ZNF574: variants seen among roughly 807,000 people sequenced by gnomAD.
ZNF574 encodes the protein zinc finger protein 574.
A neutral mutation model predicts 56.6 loss-of-function variants in ZNF574; 25 were observed. That is an observed-to-expected ratio of 0.44 (90% CI 0.32 to 0.62). ZNF574 has a LOEUF of 0.62. Ranked by LOEUF, ZNF574 falls within the 20% of genes least tolerant of loss-of-function variation. ZNF574 has a pLI of 0.04. For synonymous variants in ZNF574, 543 were observed against 492.1 expected, an observed-to-expected ratio of 1.10 and a Z score of -1.37; for missense variants, 1,065 against 1,218.9, an observed-to-expected ratio of 0.87 and a Z score of 1.88.
At chr19:42,073,244 T>C (rs958437433), upstream of ZNF574, among the ~76,000 whole-genome samples, 2 of 152,220 alleles carry the variant, frequency 1.3e-5, no homozygotes, top group Admixed American at 6.5e-5. Flanking sequence ...CGATGTTTTG[T>C]AGAGTCAGCA....
At chr19:42,069,374 G>A (rs1232932968) in intron 1 of ZNF574, 1 of 153,308 alleles carries the variant, frequency 6.5e-6, no homozygotes, top group African/African-American at 2.4e-5. Flanking sequence ...CCCGCCGCCG[G>A]TGGTGGCTCC....
At position 42,081,244 on chromosome 19, in the gene ZNF574, G is replaced by A. The variant is rs750121634; in HGVS notation, c.2638G>A (p.Ala880Thr). ...TGTGGAGGCGCTACCCCTGGTGGAA[G>A]CCATTGAGATCTACCCTCTGGCCGA... ...TAVEALPLVEAIEIYPLAEAE... is the reference protein window; with the variant it reads ...TAVEALPLVETIEIYPLAEAE... Residue 880 changes from alanine (A) to threonine (T), a missense_variant, in exon 2 of 2, where the codon GCC becomes ACC. Transcript: ENST00000359044. The A allele has an allele frequency of 2.2e-5, 35 of 1,613,284 alleles. No homozygotes were observed. Among genetic ancestry groups the A allele is most frequent in the Admixed American group, 1.8e-4 (11 of 59,908 alleles).
chr19:42,073,814 CAA>C (rs577928373), upstream of ZNF574, among the ~76,000 whole-genome samples: 80 of 32,050 alleles, frequency 2.5e-3, no homozygotes, highest in African/African-American at 9.3e-3. Flanking sequence ...TAGACTGTCT[CAA>C]AAAAAAAAAA....
chr19:42,069,266 G>C (rs962522172), intron 1 of ZNF574: 8 of 227,272 alleles, frequency 3.5e-5, no homozygotes, highest in Non-Finnish European at 6.8e-5. Context: ...GGAGGGCTGG[G>C]CTCCCTCGAG....
At position 42,080,983 on chromosome 19, in the gene ZNF574, C is replaced by A; in HGVS notation, c.2377C>A (p.Pro793Thr). ...CCGGCGCCTGCACACAGGTGAGCGG[C>A]CCTTTGCCTGTGAAGTGTGTGGCAA... The part of the protein sequence containing the change: ...DHRRLHTGER[P>T]FACEVCGKAF... Residue 793 changes from proline to threonine, a missense_variant, in exon 2 of 2, where the codon CCC (proline) becomes ACC (threonine). Coordinates refer to ENST00000359044, the MANE Select transcript of ZNF574 (RefSeq NM_022752.6). The surrounding 1 kb of genome is among the most constrained non-coding windows in gnomAD (Gnocchi z 8.5). The A allele has an allele frequency of 6.2e-7, 1 of 1,614,228 alleles. No homozygotes were observed.
Position 42,079,685 on chromosome 19 carries a change from G to A in ZNF574, c.1079G>A (p.Ser360Asn). 6.2e-7 allele frequency: 1 copy of A among 1,614,164 alleles called. No homozygotes were observed. The highest frequency in any genetic ancestry group is 2.2e-5 in the East Asian group (1 of 44,882). ...SLDQHLGDHS[S>N]ESHFLCVDCG... Reference sequence around the variant, plus strand: ...GACCAGCACCTTGGAGACCATAGCAGCGAGTCACACTTCCTGTGTGTAGAC... The same window carrying A: ...GACCAGCACCTTGGAGACCATAGCAACGAGTCACACTTCCTGTGTGTAGAC... The change falls in exon 2 of 2, where the codon AGC becomes AAC. Residue 360 changes from serine (S) to asparagine (N), a missense_variant. Coordinates refer to ENST00000359044, the MANE Select transcript of ZNF574 (RefSeq NM_022752.6). The surrounding 1 kb of genome is among the most constrained non-coding windows in gnomAD (Gnocchi z 4.3).
chr19:42,074,042 A>G (rs1327021795), upstream of ZNF574, among the ~76,000 whole-genome samples: 1 of 151,732 alleles, frequency 6.6e-6, no homozygotes, highest in Non-Finnish European at 1.5e-5. Context: ...CTTAGGCAGG[A>G]GAATCACTTG....
rs1284007695 is a variant in ZNF574, at chr19:42,079,176, G to A, written c.570G>A (p.Gly190=). Residue 190 remains glycine (G), a synonymous_variant, in exon 2 of 2, where the codon GGG becomes GGA. Transcript: ENST00000359044. The surrounding 1 kb of genome is among the most constrained non-coding windows in gnomAD (Gnocchi z 4.3). Reference sequence around the variant, plus strand: ...CATACCGAAAGGCAGAAGAGGGTGGGGAAGGGGCGACTGTCCCATCTGCCG... The same window carrying A: ...CATACCGAAAGGCAGAAGAGGGTGGAGAAGGGGCGACTGTCCCATCTGCCG... ...EHSYRKAEEG[G]EGATVPSAAA... 3 of 1,613,808 alleles carry A rather than the reference G, an allele frequency of 1.9e-6. No homozygotes were observed. Among genetic ancestry groups the A allele is most frequent in the Non-Finnish European group, 2.5e-6 (3 of 1,180,034 alleles).
chr19:42,080,563 G>A lies in ZNF574; in HGVS notation c.1957G>A (p.Glu653Lys). 1 of 1,612,798 alleles carries A rather than the reference G, an allele frequency of 6.2e-7. No individual in the cohort carries two copies. Among genetic ancestry groups the A allele is most frequent in the Non-Finnish European group, 8.5e-7 (1 of 1,179,754 alleles). Reference protein sequence around the residue: ...AAFPSSLRLREHRCAAAAAQA... With the variant: ...AAFPSSLRLRKHRCAAAAAQA... ...CTTCCCCTCCTCACTGCGGCTCCGG[G>A]AGCACCGCTGTGCAGCCGCTGCTGC... The change falls in exon 2 of 2, where the codon GAG becomes AAG. Residue 653 changes from glutamate (E) to lysine (K), a missense_variant. Physicochemically the swap from Glu to Lys is moderately conservative, Grantham distance 56 (BLOSUM62 1). Transcript: ENST00000359044. This position sits in a 1 kb window ranked among gnomAD's most constrained non-coding sequence, Gnocchi z 8.5.
chr19:42,080,916 CTG>C lies in ZNF574; in HGVS notation c.2313_2314del (p.Cys771TrpfsTer20), dbSNP rs776242452. On this transcript the variant is annotated frameshift_variant, in exon 2 of 2. Coordinates refer to ENST00000359044, the MANE Select transcript of ZNF574 (RefSeq NM_022752.6). LOFTEE classifies it high-confidence loss of function. The surrounding 1 kb of genome is among the most constrained non-coding windows in gnomAD (Gnocchi z 8.5). Reference sequence around the variant, plus strand: ...GTGAGCGGCCATACCCATGTCCAGACTGTGGCAAAGCGTTCCGTCAGAGTACC... The same window carrying C: ...GTGAGCGGCCATACCCATGTCCAGACTGGCAAAGCGTTCCGTCAGAGTACC... ...TGERPYPCPDCGKAFRQSTHL... is the reference protein window; with the variant it reads ...TGERPYPCPDXGKAFRQSTHL... The C allele has an allele frequency of 1.9e-6, 3 of 1,613,912 alleles. No individual in the cohort carries two copies. Among genetic ancestry groups the C allele is most frequent in the Admixed American group, 1.7e-5 (1 of 59,996 alleles).
chr19:42,079,754 G>A lies in ZNF574; in HGVS notation c.1148G>A (p.Arg383Gln), dbSNP rs764696690. Residue 383 changes from arginine (R) to glutamine (Q), a missense_variant, in exon 2 of 2, where the codon CGG becomes CAG. Arg to Gln is a conservative substitution (Grantham distance 43). Coordinates refer to ENST00000359044, the MANE Select transcript of ZNF574 (RefSeq NM_022752.6). The surrounding 1 kb of genome is among the most constrained non-coding windows in gnomAD (Gnocchi z 4.3). ...ACAGAGGCCCTCCTCCTGGCCCACC[G>A]GCGAGCCCACACCCCGAATCCTCTG... is the stretch of plus-strand genomic sequence containing the variant. ...FGTEALLLAH[R>Q]RAHTPNPLHS... is the part of the protein sequence containing the mutation. The A allele has an allele frequency of 4.3e-6, 7 of 1,614,118 alleles. No homozygotes were observed. The highest frequency in any genetic ancestry group is 1.7e-5 in the Admixed American group (1 of 60,020).
chr19:42,074,139 C>T (rs1176305249), upstream of ZNF574, among the ~76,000 whole-genome samples: 2 of 109,942 alleles, frequency 1.8e-5, no homozygotes, highest in East Asian at 2.5e-4. Context: ...GACTCCATCT[C>T]AAAAAAAAAA....
At chr19:42,072,926 G>A (rs540499821), upstream of ZNF574, among the ~76,000 whole-genome samples, 1 of 152,328 alleles carries the variant, frequency 6.6e-6, no homozygotes, top group South Asian at 2.1e-4. Flanking sequence ...ATCTGCCCAA[G>A]GTCACACAGC....
In ZNF574 at chr19:42,078,850, G is replaced by C; in HGVS notation, c.244G>C (p.Gly82Arg). 1 of 1,614,046 alleles carries C rather than the reference G, an allele frequency of 6.2e-7. No individual in the cohort carries two copies. Among genetic ancestry groups the C allele is most frequent in the South Asian group, 1.1e-5 (1 of 91,074 alleles). ...QESQYQCLEC[G>R]QLLMSPSQLL... ...GAGCCAGTACCAGTGCCTGGAGTGT[G>C]GTCAACTGCTGATGTCACCCAGCCA... Residue 82 changes from glycine to arginine, a missense_variant, in exon 2 of 2, where the codon GGT becomes CGT. By Grantham distance (125) the Gly-to-Arg change is moderately radical. Transcript: ENST00000359044.
chr19:42,068,877 A>C (rs2146199601), exon 1 of ZNF574: 1 of 684,732 alleles, frequency 1.5e-6, no homozygotes, highest in Non-Finnish European at 2.7e-6. Flanking sequence ...GCAGAGGATG[A>C]GGCTCAGAGG....
intron 1 of ZNF574, among the ~76,000 whole-genome samples, chr19:42,076,735 T>C (rs968060296): frequency 1.3e-5 from 2 of 152,140 alleles, no homozygotes; most frequent in African/African-American, 2.4e-5. Flanking sequence ...GGGAAAAATA[T>C]CTAGTTCTTC....
In ZNF574 at chr19:42,079,687, G is replaced by A. The variant is rs751418288; in HGVS notation, c.1081G>A (p.Glu361Lys). The A allele has an allele frequency of 3.7e-6, 6 of 1,614,132 alleles. No homozygotes were observed. The highest frequency in any genetic ancestry group is 2.2e-5 in the East Asian group (1 of 44,878). The change falls in exon 2 of 2, where the codon GAG becomes AAG. Residue 361 changes from glutamate (E) to lysine (K), a missense_variant. By Grantham distance (56) the Glu-to-Lys change is moderately conservative. Coordinates refer to ENST00000359044, the MANE Select transcript of ZNF574 (RefSeq NM_022752.6). The surrounding 1 kb of genome is among the most constrained non-coding windows in gnomAD (Gnocchi z 4.3). ...CCAGCACCTTGGAGACCATAGCAGC[G>A]AGTCACACTTCCTGTGTGTAGACTG... ...LDQHLGDHSS[E>K]SHFLCVDCGL... is the part of the protein sequence containing the mutation.
Position 42,079,050 on chromosome 19 carries a change from C to T in ZNF574, c.444C>T (p.His148=), listed in dbSNP as rs368648504. The T allele has an allele frequency of 2.0e-5, 32 of 1,614,196 alleles. No individual in the cohort carries two copies. In the African/African-American group the frequency reaches 4.1e-4, roughly 21 times the overall value. The part of the protein sequence containing the change: ...QELWLNHRQT[H]LRATPTKAPA... The stretch of plus-strand genomic sequence containing the variant: ...TCTGGCTGAACCACCGGCAGACGCA[C>T]CTCCGGGCCACACCCACCAAGGCTC... The change falls in exon 2 of 2, where the codon CAC becomes CAT. Residue 148 remains histidine, a synonymous_variant. Transcript: ENST00000359044. This position sits in a 1 kb window ranked among gnomAD's most constrained non-coding sequence, Gnocchi z 4.3.
Position 42,080,118 on chromosome 19 carries a change from C to G in ZNF574, c.1512C>G (p.Phe504Leu), listed in dbSNP as rs1297458877. The G allele has an allele frequency of 6.2e-7, 1 of 1,613,980 alleles. No individual in the cohort carries two copies. The highest frequency in any genetic ancestry group is 8.5e-7 in the Non-Finnish European group (1 of 1,180,044). ...AATGCAGCATTTGTGGCAAGATGTT[C>G]AAGAAGAAGTCTCACGTGCGTAACC... ...RHKCSICGKM[F>L]KKKSHVRNHL... is the part of the protein sequence containing the mutation. The change falls in exon 2 of 2, where the codon TTC becomes TTG. Residue 504 changes from phenylalanine to leucine, a missense_variant. Transcript: ENST00000359044. The surrounding 1 kb of genome is among the most constrained non-coding windows in gnomAD (Gnocchi z 8.5).
Sources: gnomAD v4.1 joint callset for allele counts (sites outside exome capture counted in the v4.1 genomes callset) on GRCh38, gnomAD v4.1.1 for gene constraint, Gnocchi (gnomAD v3.1) non-coding constraint, MANE v1.5 for transcripts, NCBI Gene and HGNC (gene_info 2026-07-23, HGNC 2026-07-21) for gene names.